Variants in GPR158 observed in about 807,000 individuals in gnomAD.
GPR158 encodes the protein metabotropic glycine receptor.
In GPR158, 30 loss-of-function variants were observed where a neutral mutation model predicts 78.2. That is an observed-to-expected ratio of 0.38 (90% CI 0.29 to 0.52). The LOEUF (loss-of-function observed/expected upper bound fraction) is 0.52, where lower values mean the gene tolerates loss of function less well. Ranked by LOEUF, GPR158 falls within the 20% of genes least tolerant of loss-of-function variation. GPR158 has a pLI of 0.83. For missense variants in GPR158, 1,463 were observed against 1,523.5 expected, an observed-to-expected ratio of 0.96 and a Z score of 0.66; for synonymous variants, 581 against 591.1, an observed-to-expected ratio of 0.98 and a Z score of 0.25.
chr10:25,281,638 T>C (rs942963060), intron 2 of GPR158, among the ~76,000 whole-genome samples: 2 of 150,122 alleles, frequency 1.3e-5, no homozygotes, highest in African/African-American at 5.0e-5. Flanking sequence ...ATTTGGGATG[T>C]AATTAAAATT....
chr10:25,396,295 T>C (rs900083448), intron 3 of GPR158, among the ~76,000 whole-genome samples: 3 of 152,214 alleles, frequency 2.0e-5, no homozygotes, highest in Non-Finnish European at 4.4e-5. Flanking sequence ...GATTTAGTTA[T>C]TGAAAGATGC....
At chr10:25,584,036 A>G (rs1484789138) in intron 7 of GPR158, among the ~76,000 whole-genome samples, 1 of 152,208 alleles carries the variant, frequency 6.6e-6, no homozygotes, top group Non-Finnish European at 1.5e-5. Context: ...TACTCTCCTT[A>G]TAGTATATTA....
At chr10:25,233,238 C>G (rs932042480) in intron 2 of GPR158, among the ~76,000 whole-genome samples, 2 of 152,128 alleles carry the variant, frequency 1.3e-5, no homozygotes, top group African/African-American at 4.8e-5. Context: ...GAGGGCTGTC[C>G]CTCAGCAGTG....
intron 2 of GPR158, among the ~76,000 whole-genome samples, chr10:25,222,887 A>G (rs965099412): frequency 1.3e-5 from 2 of 152,152 alleles, no homozygotes; most frequent in Non-Finnish European, 2.9e-5. Flanking sequence ...AGTTTGTTAC[A>G]GTTGCTGCTT....
intron 6 of GPR158, among the ~76,000 whole-genome samples, chr10:25,556,348 C>T (rs141547206): frequency 2.0e-5 from 3 of 152,268 alleles, no homozygotes; most frequent in South Asian, 2.1e-4. Context: ...AGTTTCAAAA[C>T]GGTTTTAGCC....
At chr10:25,464,215 G>A (rs940444279) in intron 4 of GPR158, among the ~76,000 whole-genome samples, 16 of 152,106 alleles carry the variant, frequency 1.1e-4, no homozygotes, top group African/African-American at 3.6e-4. Flanking sequence ...ATAAAAGCAC[G>A]TACTCCTGCT....
At chr10:25,527,404 C>T (rs766599723) in intron 5 of GPR158, among the ~76,000 whole-genome samples, 3 of 152,068 alleles carry the variant, frequency 2.0e-5, no homozygotes, top group Admixed American at 6.6e-5. Flanking sequence ...TATCCTATGA[C>T]TTCAATTTGA....
At chr10:25,363,104 ATTAT>A (rs932552431) in intron 2 of GPR158, among the ~76,000 whole-genome samples, 4 of 151,276 alleles carry the variant, frequency 2.6e-5, no homozygotes, top group Admixed American at 6.6e-5. Context: ...TCTGTGATTG[ATTAT>A]TTATTCTAGA....
intron 2 of GPR158, among the ~76,000 whole-genome samples, chr10:25,255,750 A>C (rs764135374): frequency 6.6e-6 from 1 of 152,224 alleles, no homozygotes; most frequent in Admixed American, 6.5e-5. Flanking sequence ...TCTCTTTTGA[A>C]TAACTCACCT....
intron 1 of GPR158, among the ~76,000 whole-genome samples, chr10:25,213,643 T>C (rs1031348167): frequency 4.6e-5 from 7 of 152,122 alleles, no homozygotes; most frequent in Non-Finnish European, 8.8e-5. Flanking sequence ...GTTGTTCTTT[T>C]CTTTTTTTGT....
intron 1 of GPR158, among the ~76,000 whole-genome samples, chr10:25,212,867 T>A (rs941846489): frequency 1.3e-5 from 2 of 152,132 alleles, no homozygotes; most frequent in Non-Finnish European, 2.9e-5. Flanking sequence ...CCTGACCTTG[T>A]GATCCACCCG....
chr10:25,220,326 T>C (rs1248062700), intron 1 of GPR158, among the ~76,000 whole-genome samples: 2 of 152,178 alleles, frequency 1.3e-5, no homozygotes, highest in African/African-American at 4.8e-5. Flanking sequence ...AGAGAGAAAG[T>C]TGGCTGGAGG....
intron 4 of GPR158, among the ~76,000 whole-genome samples, chr10:25,416,575 C>A (rs1297739020): frequency 6.6e-6 from 1 of 151,614 alleles, no homozygotes; most frequent in Non-Finnish European, 1.5e-5. Flanking sequence ...AATTAGGACA[C>A]ATACTCCTTC....
intron 4 of GPR158, among the ~76,000 whole-genome samples, chr10:25,436,301 T>C (rs1280504663): frequency 1.3e-5 from 2 of 152,224 alleles, no homozygotes; most frequent in Non-Finnish European, 2.9e-5. Flanking sequence ...TTAACCTGTC[T>C]ATGAGAAATC....
At chr10:25,415,249 G>A (rs1834644148) in intron 4 of GPR158, among the ~76,000 whole-genome samples, 1 of 151,998 alleles carries the variant, frequency 6.6e-6, no homozygotes, top group Non-Finnish European at 1.5e-5. Context: ...AATGGCAGAA[G>A]ATATTTGTAA....
At chr10:25,197,739 G>T (rs1259788067) in intron 1 of GPR158, among the ~76,000 whole-genome samples, 1 of 152,028 alleles carries the variant, frequency 6.6e-6, no homozygotes, top group East Asian at 1.9e-4. Flanking sequence ...ATATAACTTT[G>T]GACATGTTAT....
chr10:25,494,550 C>T (rs534070266), intron 5 of GPR158, among the ~76,000 whole-genome samples: 8 of 152,182 alleles, frequency 5.3e-5, no homozygotes, highest in Non-Finnish European at 4.4e-5. Context: ...TACCTGTAGG[C>T]GTAAGTATTC....
intron 2 of GPR158, among the ~76,000 whole-genome samples, chr10:25,334,275 T>C (rs1855167527): frequency 6.6e-6 from 1 of 152,070 alleles, no homozygotes; most frequent in Admixed American, 6.6e-5. Flanking sequence ...ACTTTGTAGC[T>C]AACAAAACAT....
chr10:25,502,555 G>A (rs1835955858), intron 5 of GPR158, among the ~76,000 whole-genome samples: 1 of 152,146 alleles, frequency 6.6e-6, no homozygotes, highest in Admixed American at 6.5e-5. Flanking sequence ...CCATGTTCCT[G>A]CTGGGTAATG....
Sources: allele counts gnomAD v4.1 joint callset (sites outside exome capture counted in the v4.1 genomes callset), GRCh38; gene constraint gnomAD v4.1.1; transcripts MANE v1.5; gene names NCBI Gene and HGNC (gene_info 2026-07-23, HGNC 2026-07-21).